ASTN2: variants seen among roughly 807,000 people sequenced by gnomAD.
The protein encoded by ASTN2 is astrotactin 2.
A neutral mutation model predicts 139.8 loss-of-function variants in ASTN2; 54 were observed. The ratio of observed to expected loss-of-function variants is 0.39; its 90% CI spans 0.31 to 0.48. ASTN2 has a LOEUF of 0.48. Ranked by LOEUF, ASTN2 falls within the 20% of genes least tolerant of loss-of-function variation. ASTN2 has a pLI of 0.95. For synonymous variants in ASTN2, 756 were observed against 719.5 expected (o/e 1.05, Z -0.81); for missense variants, 1,565 against 1,725.1 (o/e 0.91, Z 1.64).
At chr9:116,859,876 G>A (rs1314624676) in intron 11 of ASTN2, among the ~76,000 whole-genome samples, 1 of 152,230 alleles carries the variant, frequency 6.6e-6, no homozygotes, top group East Asian at 1.9e-4. Context: ...GATCAAAAGA[G>A]CTCTAGACAG....
At chr9:117,249,819 A>G (rs1056479285) in intron 2 of ASTN2, among the ~76,000 whole-genome samples, 1 of 152,028 alleles carries the variant, frequency 6.6e-6, no homozygotes, top group African/African-American at 2.4e-5. Flanking sequence ...GTCCCAGGGT[A>G]ACACCTATGC....
chr9:117,304,782 C>A (rs370650076), intron 1 of ASTN2, among the ~76,000 whole-genome samples: 3 of 152,270 alleles, frequency 2.0e-5, no homozygotes, highest in African/African-American at 2.4e-5. Context: ...ATTACAGGAC[C>A]CTTTTGACTT....
chr9:116,557,252 AAAG>A (rs930198295), intron 19 of ASTN2, among the ~76,000 whole-genome samples: 11 of 151,238 alleles, frequency 7.3e-5, no homozygotes, highest in Non-Finnish European at 1.6e-4. Context: ...AAAAAAAAGA[AAAG>A]AAAAAATTCA....
chr9:116,575,530 T>C (rs1564128122), intron 19 of ASTN2, among the ~76,000 whole-genome samples: 1 of 152,170 alleles, frequency 6.6e-6, no homozygotes, highest in Admixed American at 6.5e-5. Flanking sequence ...ACATCTTTAC[T>C]AAGCATCTAG....
At chr9:117,167,666 T>C (rs114116366) in intron 3 of ASTN2, among the ~76,000 whole-genome samples, 2,330 of 152,202 alleles carry the variant, frequency 0.015, 49 homozygotes, top group African/African-American at 0.054. Flanking sequence ...ATTTAGTACA[T>C]TATCAAGCAT....
chr9:117,201,336 TCAG>T (rs1201428346), intron 3 of ASTN2, among the ~76,000 whole-genome samples: 1 of 152,108 alleles, frequency 6.6e-6, no homozygotes. Flanking sequence ...CTGGATTCGT[TCAG>T]TTTTTGGAGG....
chr9:116,790,777 C>T (rs10817935), intron 13 of ASTN2, among the ~76,000 whole-genome samples: 37,979 of 149,808 alleles, frequency 0.25, 5,044 homozygotes, highest in African/African-American at 0.32. Context: ...CAGGTTCAAG[C>T]GATTCTCCTG....
intron 17 of ASTN2, among the ~76,000 whole-genome samples, chr9:116,631,960 A>G (rs1856765164): frequency 1.3e-5 from 2 of 151,738 alleles, no homozygotes; most frequent in African/African-American, 4.8e-5. Flanking sequence ...CTAAAAACAC[A>G]AAAATTAGCT....
chr9:116,699,096 C>T lies in ASTN2; in HGVS notation c.2806+26675G>A, dbSNP rs747067557. ...TGTGACTGACAGCTATGATAACTCC[C>T]TCAAGGTATATACCTTGGATGGCCA... On this transcript the variant is annotated intron_variant, in intron 16 of 22. Coordinates refer to ENST00000313400, the MANE Select transcript of ASTN2 (RefSeq NM_001365068.1). This position sits in a 1 kb window ranked among gnomAD's most constrained non-coding sequence, Gnocchi z 4.2. 118 of 1,613,912 alleles carry T rather than the reference C, an allele frequency of 7.3e-5. 1 individual carries two copies. The highest frequency in any genetic ancestry group is 9.5e-5 in the Non-Finnish European group (112 of 1,179,936).
At position 116,737,467 on chromosome 9, in the gene ASTN2, A is replaced by ATGTGTGTGTGTG. The variant is rs72243746; in HGVS notation, c.2397-3956_2397-3945dup. 2.7e-5 allele frequency among the ~76,000 whole-genome samples: 4 copies of ATGTGTGTGTGTG among 148,154 alleles called. No homozygotes were observed. The East Asian group carries it at 6.1e-4, about 22-fold the overall frequency. ...TTAGCGCTCGTGTGTGTGTGTGTGA[A>ATGTGTGTGTGTG]TGTGTGTGTGTGTGTGTGTGTGTGT... On this transcript the variant is annotated intron_variant, in intron 13 of 22. Transcript: ENST00000313400.
chr9:117,354,214 A>G (rs1433454672), intron 1 of ASTN2, among the ~76,000 whole-genome samples: 1 of 151,896 alleles, frequency 6.6e-6, no homozygotes. Context: ...GCCTAAAACT[A>G]CCCCCAAAAA....
At chr9:116,449,327 GC>G (rs749772647) in intron 20 of ASTN2, among the ~76,000 whole-genome samples, 8 of 152,150 alleles carry the variant, frequency 5.3e-5, no homozygotes, top group South Asian at 2.1e-4. Flanking sequence ...GATCATTTGA[GC>G]CTGGGAGATC....
chr9:117,071,517 C>T (rs1053958968), intron 5 of ASTN2, among the ~76,000 whole-genome samples: 18 of 150,150 alleles, frequency 1.2e-4, no homozygotes, highest in Non-Finnish European at 2.5e-4. Context: ...GGCAGGCCTC[C>T]TTGAGCTGTG....
At chr9:116,536,015 G>T (rs930393338) in intron 19 of ASTN2, among the ~76,000 whole-genome samples, 9 of 152,026 alleles carry the variant, frequency 5.9e-5, no homozygotes, top group African/African-American at 1.4e-4. Flanking sequence ...GGTTTGGTCT[G>T]TTCACATAGT....
rs201078121 is a variant in ASTN2, at chr9:116,513,501, G to T, written c.3356-26001C>A. On this transcript the variant is annotated intron_variant, in intron 19 of 22. Transcript: ENST00000313400. The stretch of plus-strand genomic sequence containing the variant: ...GTCTTGGAGTTGCTCTTCTCAAGGA[G>T]TTCTTTGTGGCTTTCTCTGTATTTC... 0.017 allele frequency among the ~76,000 whole-genome samples: 2,649 copies of T among 151,916 alleles called. 350 individuals carry two copies. In the South Asian group the frequency reaches 0.26, roughly 15 times the overall value.
At chr9:117,140,397 C>T (rs999720506) in intron 4 of ASTN2, among the ~76,000 whole-genome samples, 1 of 151,210 alleles carries the variant, frequency 6.6e-6, no homozygotes, top group Non-Finnish European at 1.5e-5. Context: ...AAGTGAGAGG[C>T]AAGAAGAGGA....
chr9:116,776,018 G>T (rs1392279825), intron 13 of ASTN2, among the ~76,000 whole-genome samples: 6 of 152,150 alleles, frequency 3.9e-5, no homozygotes, highest in African/African-American at 1.4e-4. Context: ...CTGCATAAGG[G>T]TGCCCCACTG....
At chr9:117,109,098 T>C (rs1829181954) in intron 4 of ASTN2, among the ~76,000 whole-genome samples, 1 of 151,924 alleles carries the variant, frequency 6.6e-6, no homozygotes. Flanking sequence ...CTGGCTAACA[T>C]AGTGAAACCC....
At chr9:117,165,874 A>C (rs1830659706) in intron 3 of ASTN2, among the ~76,000 whole-genome samples, 1 of 152,112 alleles carries the variant, frequency 6.6e-6, no homozygotes, top group Admixed American at 6.6e-5. Context: ...ATTAAATAGA[A>C]TGCCTTATGC....
Sources: allele counts gnomAD v4.1 joint callset (sites outside exome capture counted in the v4.1 genomes callset), GRCh38; gene constraint gnomAD v4.1.1; non-coding constraint Gnocchi (gnomAD v3.1); transcripts MANE v1.5; gene names NCBI Gene and HGNC (gene_info 2026-07-23, HGNC 2026-07-21).